The following SWT1 variants were observed in gnomAD, a reference collection of about 807,000 sequenced individuals.
SWT1 encodes SWT1 RNA endoribonuclease homolog.
In SWT1, 33 loss-of-function variants were observed where a neutral mutation model predicts 107.3. The ratio of observed to expected loss-of-function variants is 0.31; its 90% CI spans 0.23 to 0.41. The LOEUF (loss-of-function observed/expected upper bound fraction) is 0.41, where lower values mean the gene tolerates loss of function less well. SWT1 is among the 10% of genes least tolerant of loss of function. SWT1 has a pLI of 1.00. For missense variants in SWT1, 898 were observed against 1,028.9 expected (o/e 0.87, Z 1.74); for synonymous variants, 345 against 348.3 (o/e 0.99, Z 0.11).
chr1:185,173,782 C>T (rs576997245), intron 4 of SWT1, among the ~76,000 whole-genome samples: 1 of 150,222 alleles, frequency 6.7e-6, no homozygotes, highest in Admixed American at 6.7e-5. Context: ...CTTGGGAGGC[C>T]GAGGCAAGTG....
chr1:185,221,081 A>T (rs1235951173), intron 14 of SWT1, among the ~76,000 whole-genome samples: 3 of 140,462 alleles, frequency 2.1e-5, no homozygotes, highest in Admixed American at 1.4e-4. Context: ...ACACACACAC[A>T]CACTCTTCTA....
At chr1:185,168,508 A>G (rs1273338888) in intron 4 of SWT1, 110 bp downstream of exon 4, 1 of 473,974 alleles carries the variant, frequency 2.1e-6, no homozygotes, top group South Asian at 3.8e-5. Flanking sequence ...TTGCATGCAA[A>G]TATCTCTAGC....
chr1:185,269,480 G>A (rs1663690143), intron 16 of SWT1, among the ~76,000 whole-genome samples: 1 of 148,614 alleles, frequency 6.7e-6, no homozygotes, highest in African/African-American at 2.5e-5. Context: ...TGTTCTGTAT[G>A]TGTGCCCCCT....
intron 4 of SWT1, among the ~76,000 whole-genome samples, chr1:185,170,640 G>A (rs548043356): frequency 3.3e-5 from 5 of 152,272 alleles, no homozygotes; most frequent in East Asian, 1.9e-4. Context: ...ACAGTTTGTT[G>A]CAAAGACCTG....
intron 9 of SWT1, among the ~76,000 whole-genome samples, chr1:185,185,224 C>T (rs969521263): frequency 2.0e-5 from 3 of 152,120 alleles, no homozygotes; most frequent in African/African-American, 7.2e-5. Context: ...AATACCATTG[C>T]TGAGTGATGA....
chr1:185,158,090 C>T (rs958859079), intron 1 of SWT1, among the ~76,000 whole-genome samples: 3 of 152,166 alleles, frequency 2.0e-5, no homozygotes, highest in South Asian at 2.1e-4. Flanking sequence ...GAACAAGACG[C>T]GCGCTTCCAG....
intron 13 of SWT1, among the ~76,000 whole-genome samples, chr1:185,211,016 CA>C (rs1037640698): frequency 1.6e-4 from 22 of 135,936 alleles, no homozygotes; most frequent in African/African-American, 5.7e-4. Flanking sequence ...TCAAGAACTA[CA>C]AACCGCTGCT....
chr1:185,250,551 T>C (rs551866543), intron 16 of SWT1, among the ~76,000 whole-genome samples: 2 of 152,334 alleles, frequency 1.3e-5, no homozygotes, highest in South Asian at 4.1e-4. Context: ...TTTCCCTCTG[T>C]GAGCTCATCC....
intron 5 of SWT1, among the ~76,000 whole-genome samples, chr1:185,175,489 A>G (rs935177997): frequency 2.0e-5 from 3 of 152,144 alleles, no homozygotes; most frequent in Non-Finnish European, 4.4e-5. Context: ...CAGCCTCCCA[A>G]AGTGCAGGGA....
intron 10 of SWT1, among the ~76,000 whole-genome samples, chr1:185,201,415 G>A (rs2102449023): frequency 6.6e-6 from 1 of 152,322 alleles, no homozygotes; most frequent in African/African-American, 2.4e-5. Flanking sequence ...TCTGCGGGTT[G>A]TGAAGACCAT....
chr1:185,233,035 C>G (rs546351560), intron 16 of SWT1, among the ~76,000 whole-genome samples: 2 of 152,120 alleles, frequency 1.3e-5, no homozygotes, highest in Non-Finnish European at 2.9e-5. Flanking sequence ...CCAGCATCAT[C>G]ACCACATCTA....
intron 16 of SWT1, among the ~76,000 whole-genome samples, chr1:185,267,456 T>C (rs1663488588): frequency 2.0e-5 from 3 of 152,342 alleles, no homozygotes; most frequent in Admixed American, 2.0e-4. Context: ...TGTGTTGTTA[T>C]TGATGCTGTC....
chr1:185,202,866 T>G (rs1452656824), intron 11 of SWT1, 67 bp downstream of exon 11: 1 of 853,702 alleles, frequency 1.2e-6, no homozygotes, highest in Non-Finnish European at 1.7e-6. Flanking sequence ...TTTATAACAT[T>G]AGAATCGATA....
chr1:185,174,237 C>T (rs187054038), intron 4 of SWT1, 135 bp from the exon 5 acceptor site: 39 of 645,368 alleles, frequency 6.0e-5, no homozygotes, highest in Non-Finnish European at 9.2e-5. Context: ...ATCCTTTCCA[C>T]TTCATTCTTA....
intron 11 of SWT1, among the ~76,000 whole-genome samples, chr1:185,204,380 C>T (rs182301130): frequency 6.2e-4 from 94 of 152,088 alleles, no homozygotes; most frequent in African/African-American, 2.2e-3. Flanking sequence ...ATTCTTGTAA[C>T]TCTCTTTGGA....
intron 14 of SWT1, among the ~76,000 whole-genome samples, chr1:185,220,324 A>G (rs920998905): frequency 2.7e-5 from 4 of 149,808 alleles, no homozygotes; most frequent in African/African-American, 9.8e-5. Context: ...TTTTATCTCC[A>G]CACTCCACTG....
chr1:185,187,368 T>C (rs1656581808), intron 9 of SWT1, among the ~76,000 whole-genome samples: 1 of 152,042 alleles, frequency 6.6e-6, no homozygotes, highest in African/African-American at 2.4e-5. Flanking sequence ...AGTTATATAT[T>C]TTTTATAATA....
chr1:185,256,055 G>A (rs1196061354), intron 16 of SWT1, among the ~76,000 whole-genome samples: 1 of 151,242 alleles, frequency 6.6e-6, no homozygotes, highest in Non-Finnish European at 1.5e-5. Flanking sequence ...AGTTTGGCTG[G>A]ATATGAAATT....
intron 16 of SWT1, among the ~76,000 whole-genome samples, chr1:185,246,775 G>T (rs1211640868): frequency 2.7e-5 from 4 of 150,760 alleles, no homozygotes; most frequent in Admixed American, 2.0e-4. Flanking sequence ...GACTACAGGC[G>T]CACTCCACCA....
Sources: gnomAD v4.1 joint callset for allele counts (sites outside exome capture counted in the v4.1 genomes callset) on GRCh38, gnomAD v4.1.1 for gene constraint, MANE v1.5 for transcripts, NCBI Gene and HGNC (gene_info 2026-07-23, HGNC 2026-07-21) for gene names.